MAP3K20: variants seen among roughly 807,000 people sequenced by gnomAD.
MAP3K20 encodes the protein mitogen-activated protein kinase kinase kinase 20.
MAP3K20 carries 40 observed loss-of-function variants against 85.7 expected under a neutral mutation model. That is an observed-to-expected ratio of 0.47 (90% CI 0.36 to 0.61). MAP3K20 has a LOEUF of 0.61. MAP3K20 is among the 20% of genes least tolerant of loss of function. The pLI, the probability that MAP3K20 is intolerant of heterozygous loss-of-function variation, is 0.00. For missense variants in MAP3K20, 817 were observed against 961.7 expected (o/e 0.85, Z 1.99); for synonymous variants, 325 against 327.7 (o/e 0.99, Z 0.09).
At chr2:173,263,956 C>T (rs1433067708) in intron 19 of MAP3K20, 61 bp downstream of exon 19, 2 of 1,549,004 alleles carry the variant, frequency 1.3e-6, no homozygotes, top group African/African-American at 2.8e-5. Context: ...TATGACATTT[C>T]CAGATGATCT....
intron 2 of MAP3K20, among the ~76,000 whole-genome samples, chr2:173,093,142 T>C (rs938229483): frequency 6.6e-6 from 1 of 152,228 alleles, no homozygotes; most frequent in Non-Finnish European, 1.5e-5. Context: ...GAGTTGACAG[T>C]TACTAGCAAG....
chr2:173,162,501 C>G (rs1379693991), intron 2 of MAP3K20, among the ~76,000 whole-genome samples: 1 of 151,960 alleles, frequency 6.6e-6, no homozygotes, highest in Admixed American at 6.6e-5. Flanking sequence ...GCCTGGCCAG[C>G]ATGGTGAAAC....
Position 173,263,771 on chromosome 2 carries a change from T to C in MAP3K20, c.1578T>C (p.Thr526=). 8.1e-6 allele frequency: 13 copies of C among 1,610,182 alleles called. No homozygotes were observed. The highest frequency in any genetic ancestry group is 1.1e-5 in the Non-Finnish European group (13 of 1,179,064). ...YESDVRTPKS[T]KHVHSIQWSR... Reference sequence around the variant, plus strand: ...GTGATGTTAGAACTCCAAAAAGCACTAAACATGTCCATTCGATTCAGTGGA... The same window carrying C: ...GTGATGTTAGAACTCCAAAAAGCACCAAACATGTCCATTCGATTCAGTGGA... Residue 526 remains threonine, a synonymous_variant, in exon 19 of 20, where the codon ACT becomes ACC. Coordinates refer to ENST00000375213, the MANE Select transcript of MAP3K20 (RefSeq NM_016653.3).
intron 16 of MAP3K20, among the ~76,000 whole-genome samples, chr2:173,255,477 A>T (rs1290448820): frequency 6.6e-6 from 1 of 152,210 alleles, no homozygotes; most frequent in African/African-American, 2.4e-5. Flanking sequence ...ATTCGTCTAA[A>T]GGGAAAATAG....
intron 2 of MAP3K20, among the ~76,000 whole-genome samples, chr2:173,143,390 C>T (rs186612938): frequency 1.3e-5 from 2 of 152,306 alleles, no homozygotes; most frequent in East Asian, 3.9e-4. Context: ...TTCACAATTA[C>T]ATTTGTAAAT....
chr2:173,217,625 G>GT (rs1353052978), intron 11 of MAP3K20, among the ~76,000 whole-genome samples: 1 of 151,972 alleles, frequency 6.6e-6, no homozygotes, highest in Non-Finnish European at 1.5e-5. Context: ...ATTAATAACT[G>GT]TAACTCCAGC....
chr2:173,078,807 TAGAA>T (rs1009905489), intron 1 of MAP3K20, among the ~76,000 whole-genome samples: 5 of 152,126 alleles, frequency 3.3e-5, no homozygotes, highest in African/African-American at 1.2e-4. Flanking sequence ...AAAGGCAAAT[TAGAA>T]GGAGGAGGCA....
At chr2:173,115,348 C>T (rs775926948) in intron 2 of MAP3K20, among the ~76,000 whole-genome samples, 7 of 152,256 alleles carry the variant, frequency 4.6e-5, no homozygotes, top group East Asian at 3.9e-4. Flanking sequence ...CATTGGGTAT[C>T]GCCTTTCTCT....
Position 173,234,042 on chromosome 2 carries a change from C to G in MAP3K20, c.1203+1583C>G, listed in dbSNP as rs150311044. Reference sequence around the variant, plus strand: ...AAGCTATGCTGGCTTAGGTGGGCCACAGTAGGAAAAAGTATTTTCTGCAGT... The same window carrying G: ...AAGCTATGCTGGCTTAGGTGGGCCAGAGTAGGAAAAAGTATTTTCTGCAGT... On this transcript the variant is annotated intron_variant, in intron 14 of 19. Coordinates refer to ENST00000375213, the MANE Select transcript of MAP3K20 (RefSeq NM_016653.3). Among the ~76,000 whole-genome samples the G allele has an allele frequency of 4.6e-5, 7 of 152,296 alleles. No homozygotes were observed. The East Asian group carries it at 1.3e-3, about 29-fold the overall frequency.
intron 9 of MAP3K20, among the ~76,000 whole-genome samples, chr2:173,204,220 G>A (rs189170399): frequency 2.4e-4 from 37 of 152,260 alleles, no homozygotes; most frequent in East Asian, 9.6e-4. Context: ...AACACTTTAT[G>A]TATGTTAACT....
chr2:173,214,368 C>T (rs62175828), intron 10 of MAP3K20: 1 of 152,116 alleles, frequency 6.6e-6, no homozygotes, highest in Non-Finnish European at 1.5e-5. Context: ...TGACTGTAGA[C>T]CTGTGGCAAC....
chr2:173,237,065 C>T (rs189865090), intron 14 of MAP3K20, among the ~76,000 whole-genome samples: 37 of 133,600 alleles, frequency 2.8e-4, no homozygotes, highest in East Asian at 2.2e-3. Context: ...CTCACTGTGC[C>T]GCTCAGGCTG....
rs1306707858 is a variant in MAP3K20, at chr2:173,198,164, G to A, written c.669+52G>A. 2.0e-6 allele frequency: 3 copies of A among 1,518,096 alleles called. No individual in the cohort carries two copies. The highest frequency in any genetic ancestry group is 2.7e-6 in the Non-Finnish European group (3 of 1,113,026). The allele number at this position is 1,518,096 out of a possible 1,614,324, so 94.0% of individuals were successfully genotyped here. A position where few individuals can be genotyped will look rare whatever the true frequency, so the allele number is the denominator to read the frequency against. Reference sequence around the variant, plus strand: ...ACATAGATCAGAAAACAGTATTGGGGTTTTGCAAAAGACTTTTTCATCTTC... The same window carrying A: ...ACATAGATCAGAAAACAGTATTGGGATTTTGCAAAAGACTTTTTCATCTTC... On this transcript the variant is annotated intron_variant, in intron 8 of 19. Transcript: ENST00000375213. The surrounding 1 kb of genome is among the most constrained non-coding windows in gnomAD (Gnocchi z 5.8).
At chr2:173,203,499 C>T (rs527338811) in intron 8 of MAP3K20, among the ~76,000 whole-genome samples, 12 of 152,168 alleles carry the variant, frequency 7.9e-5, no homozygotes, top group South Asian at 2.1e-4. Flanking sequence ...ATTTAAGTTC[C>T]GACTTGCCCC....
At chr2:173,107,702 A>G (rs1304466667) in intron 2 of MAP3K20, among the ~76,000 whole-genome samples, 3 of 152,152 alleles carry the variant, frequency 2.0e-5, no homozygotes, top group African/African-American at 4.8e-5. Flanking sequence ...TATTAGATTT[A>G]TGGGAAAGTG....
At chr2:173,117,638 A>G (rs34681024) in intron 2 of MAP3K20, among the ~76,000 whole-genome samples, 53,188 of 150,530 alleles carry the variant, frequency 0.35, 10,028 homozygotes, top group Non-Finnish European at 0.43. Flanking sequence ...GAAAAGAATC[A>G]ATTAGTAATT....
At chr2:173,109,871 C>T (rs981254881) in intron 2 of MAP3K20, among the ~76,000 whole-genome samples, 13 of 152,050 alleles carry the variant, frequency 8.5e-5, no homozygotes, top group Non-Finnish European at 1.6e-4. Flanking sequence ...TAATATGATA[C>T]GTTTCCAGAA....
intron 11 of MAP3K20, among the ~76,000 whole-genome samples, chr2:173,217,559 G>A (rs1324347666): frequency 3.3e-5 from 5 of 152,176 alleles, no homozygotes; most frequent in Non-Finnish European, 7.3e-5. Context: ...CACACCATCT[G>A]CTCAGTCTCA....
intron 4 of MAP3K20, among the ~76,000 whole-genome samples, chr2:173,184,249 T>C (rs918313746): frequency 6.6e-6 from 1 of 152,212 alleles, no homozygotes; most frequent in African/African-American, 2.4e-5. Context: ...ATTGTGGAAA[T>C]ACCCTTAAAT....
Sources: allele counts gnomAD v4.1 joint callset (sites outside exome capture counted in the v4.1 genomes callset), GRCh38; gene constraint gnomAD v4.1.1; non-coding constraint Gnocchi (gnomAD v3.1); transcripts MANE v1.5; gene names NCBI Gene and HGNC (gene_info 2026-07-23, HGNC 2026-07-21).